The following SHISA6 variants were observed in gnomAD, a reference collection of about 807,000 sequenced individuals.
SHISA6 encodes shisa family member 6.
A neutral mutation model predicts 47.9 loss-of-function variants in SHISA6; 22 were observed. That is an observed-to-expected ratio of 0.46 (90% CI 0.33 to 0.66). The LOEUF (loss-of-function observed/expected upper bound fraction) is 0.66, where lower values mean the gene tolerates loss of function less well. Among genes scored for constraint, SHISA6 ranks in the 30% least tolerant of loss-of-function variants. SHISA6 has a pLI of 0.02. For missense variants in SHISA6, 680 were observed against 764.6 expected, an observed-to-expected ratio of 0.89 and a Z score of 1.30; for synonymous variants, 388 against 337.8, an observed-to-expected ratio of 1.15 and a Z score of -1.63.
At chr17:11,358,071 C>A (rs1399186409) in intron 2 of SHISA6, among the ~76,000 whole-genome samples, 2 of 152,072 alleles carry the variant, frequency 1.3e-5, no homozygotes, top group African/African-American at 4.8e-5. Context: ...CCATTTTATC[C>A]ATTTTTAAGT....
chr17:11,448,146 T>A (rs143021855), intron 3 of SHISA6, among the ~76,000 whole-genome samples: 53 of 152,282 alleles, frequency 3.5e-4, no homozygotes, highest in African/African-American at 1.1e-3. Context: ...AGAGCTAACA[T>A]CTATGGAGTA....
intron 2 of SHISA6, among the ~76,000 whole-genome samples, chr17:11,365,631 C>T (rs1305237472): frequency 6.6e-6 from 1 of 152,108 alleles, no homozygotes; most frequent in Non-Finnish European, 1.5e-5. Context: ...AGACAGTTGA[C>T]AGGAATTTAA....
At chr17:11,538,253 G>A (rs2908965) in intron 3 of SHISA6, among the ~76,000 whole-genome samples, 62,608 of 151,852 alleles carry the variant, frequency 0.41, 13,281 homozygotes, top group East Asian at 0.59. Context: ...TAGTAGAGGC[G>A]GGGTTTCACC....
intron 3 of SHISA6, among the ~76,000 whole-genome samples, chr17:11,493,651 A>C (rs1424002934): frequency 6.6e-6 from 1 of 152,186 alleles, no homozygotes; most frequent in East Asian, 1.9e-4. Context: ...CCTTCAGCAG[A>C]GTTGCCAGGC....
intron 2 of SHISA6, among the ~76,000 whole-genome samples, chr17:11,377,266 C>G (rs906221795): frequency 6.6e-6 from 1 of 152,160 alleles, no homozygotes; most frequent in African/African-American, 2.4e-5. Context: ...CCACCCCCAG[C>G]CTAATAATTC....
chr17:11,328,360 ACAGCT>A (rs1910982432), intron 2 of SHISA6, among the ~76,000 whole-genome samples: 2 of 152,212 alleles, frequency 1.3e-5, no homozygotes, highest in South Asian at 4.1e-4. Flanking sequence ...ATTCGGAGCC[ACAGCT>A]CTGGGGCTAG....
intron 2 of SHISA6, among the ~76,000 whole-genome samples, chr17:11,361,677 A>C (rs1380048779): frequency 2.0e-5 from 3 of 152,216 alleles, no homozygotes; most frequent in African/African-American, 7.2e-5. Context: ...TAAAACATGA[A>C]CATTCCAGGG....
chr17:11,494,421 A>G (rs2071391368), intron 3 of SHISA6, among the ~76,000 whole-genome samples: 1 of 152,122 alleles, frequency 6.6e-6, no homozygotes, highest in African/African-American at 2.4e-5. Context: ...TCAGAGGTGT[A>G]ATGTGCTATT....
chr17:11,557,644 C>A, intron 5 of SHISA6, 110 bp from the exon 6 acceptor site: 1 of 1,076,990 alleles, frequency 9.3e-7, no homozygotes, highest in Non-Finnish European at 1.3e-6. Flanking sequence ...CTGTATTATC[C>A]CTTAAGGTTG....
chr17:11,445,667 T>C (rs1915207963), intron 3 of SHISA6, among the ~76,000 whole-genome samples: 1 of 152,186 alleles, frequency 6.6e-6, no homozygotes, highest in Admixed American at 6.5e-5. Context: ...TGCCGAGATC[T>C]GAAAGACACT....
chr17:11,461,410 A>AAAC (rs1915687212), intron 3 of SHISA6, among the ~76,000 whole-genome samples: 1 of 148,858 alleles, frequency 6.7e-6, no homozygotes, highest in Non-Finnish European at 1.5e-5. Context: ...AAAAAAAAAA[A>AAAC]AAAAAAAAAG....
intron 3 of SHISA6, among the ~76,000 whole-genome samples, chr17:11,444,148 A>G (rs1458982395): frequency 1.3e-5 from 2 of 152,050 alleles, no homozygotes; most frequent in African/African-American, 4.8e-5. Flanking sequence ...GTGAAACCCC[A>G]TCGCTACTAA....
Position 11,555,778 on chromosome 17 carries a change from G to C in SHISA6, c.991G>C (p.Glu331Gln). ...RMNNILTSAT[E>Q]PYDLSFSRSF... ...GAACAACATCCTGACATCAGCCACC[G>C]AGCCCTATGACCTCTCCTTCTCCCG... Residue 331 changes from glutamate (E) to glutamine (Q), a missense_variant, in exon 5 of 6, where the codon GAG (glutamate) becomes CAG (glutamine). Glu to Gln is a conservative substitution (Grantham distance 29). Transcript: ENST00000441885. 1 of 1,549,980 alleles carries C rather than the reference G, an allele frequency of 6.5e-7. No individual in the cohort carries two copies. The highest frequency in any genetic ancestry group is 8.7e-7 in the Non-Finnish European group (1 of 1,146,336).
intron 3 of SHISA6, among the ~76,000 whole-genome samples, chr17:11,474,174 C>T (rs1003639330): frequency 2.0e-5 from 3 of 152,068 alleles, no homozygotes; most frequent in African/African-American, 7.2e-5. Flanking sequence ...TTTACACTCC[C>T]ACCAAGAGTG....
At chr17:11,556,518 C>T (rs2071981804) in intron 5 of SHISA6, among the ~76,000 whole-genome samples, 1 of 152,172 alleles carries the variant, frequency 6.6e-6, no homozygotes, top group Admixed American at 6.5e-5. Context: ...GCTTTCTGGC[C>T]TTGGACCTTC....
intron 3 of SHISA6, among the ~76,000 whole-genome samples, chr17:11,394,923 T>C (rs1236404346): frequency 6.6e-6 from 1 of 151,780 alleles, no homozygotes; most frequent in East Asian, 1.9e-4. Context: ...TATGTATATA[T>C]TGTTTTATAA....
At chr17:11,318,993 C>T (rs904895487) in intron 2 of SHISA6, among the ~76,000 whole-genome samples, 13 of 151,814 alleles carry the variant, frequency 8.6e-5, no homozygotes, top group African/African-American at 2.9e-4. Flanking sequence ...GTACTTCAAC[C>T]TGGTCTATTC....
At chr17:11,524,365 G>A (rs2071657545) in intron 3 of SHISA6, among the ~76,000 whole-genome samples, 1 of 152,122 alleles carries the variant, frequency 6.6e-6, no homozygotes, top group African/African-American at 2.4e-5. Flanking sequence ...AAGTGTCCCA[G>A]AAGAGGTAGA....
At chr17:11,256,691 C>A (rs376329809) in intron 1 of SHISA6, among the ~76,000 whole-genome samples, 1 of 152,144 alleles carries the variant, frequency 6.6e-6, no homozygotes, top group South Asian at 2.1e-4. Flanking sequence ...GACACATCCA[C>A]GTTTTCAACG....
Sources: allele counts gnomAD v4.1 joint callset (sites outside exome capture counted in the v4.1 genomes callset), GRCh38; gene constraint gnomAD v4.1.1; transcripts MANE v1.5; gene names NCBI Gene and HGNC (gene_info 2026-07-23, HGNC 2026-07-21).